The following TIMMDC1 variants were observed in gnomAD, a reference collection of about 807,000 sequenced individuals.
TIMMDC1 encodes the protein translocase of inner mitochondrial membrane domain containing 1, also known as complex I assembly factor TIMMDC1, mitochondrial.
TIMMDC1 carries 25 observed loss-of-function variants against 32.6 expected under a neutral mutation model. The observed-to-expected ratio is 0.77, with a 90% CI of 0.56 to 1.07. TIMMDC1 has a LOEUF of 1.07. Among genes scored for constraint, TIMMDC1 ranks in the 50% least tolerant of loss-of-function variants. TIMMDC1 has a pLI of 0.00. For synonymous variants in TIMMDC1, 130 were observed against 127.6 expected (o/e 1.02, Z -0.13); for missense variants, 329 against 349.2 (o/e 0.94, Z 0.46).
intron 4 of TIMMDC1, among the ~76,000 whole-genome samples, chr3:119,512,393 C>T (rs913507131): frequency 6.6e-6 from 1 of 152,194 alleles, no homozygotes; most frequent in Non-Finnish European, 1.5e-5. Context: ...ATTCTCCTGC[C>T]TCAGCCTCCT....
intron 2 of TIMMDC1, 40 bp downstream of exon 2, chr3:119,500,900 C>T (rs767089678): frequency 5.1e-6 from 8 of 1,583,908 alleles, no homozygotes; most frequent in Non-Finnish European, 6.9e-6. Context: ...GGCACACTGA[C>T]TTAGTAATTC....
chr3:119,521,707 A>G (rs1257477698), intron 6 of TIMMDC1, among the ~76,000 whole-genome samples: 1 of 150,350 alleles, frequency 6.7e-6, no homozygotes, highest in Non-Finnish European at 1.5e-5. Flanking sequence ...AAAAAAAAAA[A>G]GTGGGCGGGG....
At chr3:119,506,577 T>C (rs1448830507) in intron 4 of TIMMDC1, among the ~76,000 whole-genome samples, 1 of 152,142 alleles carries the variant, frequency 6.6e-6, no homozygotes, top group African/African-American at 2.4e-5. Context: ...TTTTTCTCTT[T>C]CCACTTCTTG....
intron 4 of TIMMDC1, among the ~76,000 whole-genome samples, chr3:119,506,440 G>A (rs564693022): frequency 6.6e-6 from 1 of 151,724 alleles, no homozygotes; most frequent in East Asian, 1.9e-4. Flanking sequence ...GATGGCATGA[G>A]CCCAGGAGGT....
At chr3:119,499,016 A>G (rs2081847200) in intron 1 of TIMMDC1, 89 bp downstream of exon 1, 4 of 1,051,624 alleles carry the variant, frequency 3.8e-6, no homozygotes, top group Admixed American at 4.6e-5. Flanking sequence ...TTAGGACACC[A>G]AGGATGGTGT....
intron 2 of TIMMDC1, among the ~76,000 whole-genome samples, chr3:119,502,137 A>G (rs144159595): frequency 0.011 from 1,724 of 152,304 alleles, 33 homozygotes; most frequent in African/African-American, 0.038. Context: ...TCTACTACTT[A>G]AATGCTATTA....
rs141339063 is a variant in TIMMDC1 at position 119,500,527 on chromosome 3, A to G, written c.195-168A>G. The stretch of plus-strand genomic sequence containing the variant: ...TAACACCATAGCTTCGTTTTGTCTG[A>G]GACTACGTTCCTTTTAATATAACTG... On this transcript the variant is annotated intron_variant, in intron 1 of 6. Coordinates refer to ENST00000494664, the MANE Select transcript of TIMMDC1 (RefSeq NM_016589.4). 8.1e-3 allele frequency: 4,755 copies of G among 584,680 alleles called. 38 individuals carry two copies. The highest frequency in any genetic ancestry group is 0.016 in the Middle Eastern group (35 of 2,166). 36.2% of individuals were successfully genotyped at this position (584,680 alleles called of 1,614,324 possible). A position where few individuals can be genotyped will look rare whatever the true frequency, so the allele number is the denominator to read the frequency against.
In TIMMDC1 at chr3:119,498,586, A is replaced by G. The variant is rs1330582458; in HGVS notation, c.-148A>G. The G allele has an allele frequency of 7.0e-6, 5 of 713,870 alleles. No individual in the cohort carries two copies. Among genetic ancestry groups the G allele is most frequent in the South Asian group, 5.3e-5 (3 of 56,986 alleles). 44.2% of individuals were successfully genotyped at this position (713,870 alleles called of 1,614,324 possible). ...GACTCCAAAGCGAGGCCGGGGACTGAAGGTGTGGGTGTCGAGCCCTCTGGC... is the reference window on the plus strand; with the variant it reads ...GACTCCAAAGCGAGGCCGGGGACTGGAGGTGTGGGTGTCGAGCCCTCTGGC... On this transcript the variant is annotated 5_prime_UTR_variant, in exon 1 of 7. Transcript: ENST00000494664.
At chr3:119,508,328 C>G (rs182281959) in intron 4 of TIMMDC1, among the ~76,000 whole-genome samples, 18 of 152,288 alleles carry the variant, frequency 1.2e-4, no homozygotes, top group Admixed American at 1.0e-3. Context: ...GGCTTCTGCT[C>G]GTGGGTTTCT....
chr3:119,522,804 T>G (rs367600380), intron 6 of TIMMDC1, among the ~76,000 whole-genome samples: 2,507 of 148,750 alleles, frequency 0.017, 39 homozygotes, highest in Non-Finnish European at 0.024. Flanking sequence ...GTATGGGTGT[T>G]TGTGTGTGTG....
chr3:119,516,023 T>G (rs886923550), intron 5 of TIMMDC1, among the ~76,000 whole-genome samples: 1 of 152,252 alleles, frequency 6.6e-6, no homozygotes, highest in Non-Finnish European at 1.5e-5. Flanking sequence ...CCATTGCTTT[T>G]GTTGTAGTGT....
chr3:119,513,154 G>T (rs953649415), intron 4 of TIMMDC1, among the ~76,000 whole-genome samples: 5 of 152,196 alleles, frequency 3.3e-5, no homozygotes, highest in African/African-American at 1.2e-4. Context: ...AGAAAGGAAA[G>T]AAGTCTTTCT....
rs1172917348 is a variant in TIMMDC1, at chr3:119,500,875, T to G, written c.360+15T>G. ...TTGATGCTGTGGTATGTACTGGTGA[T>G]CTAAAGAAATTTGGGGCACACTGAC... On this transcript the variant is annotated intron_variant, in intron 2 of 6. Transcript: ENST00000494664. 1 of 1,603,006 alleles carries G rather than the reference T, an allele frequency of 6.2e-7. No homozygotes were observed. The highest frequency in any genetic ancestry group is 1.3e-5 in the African/African-American group (1 of 74,560).
rs915515664 is a variant in TIMMDC1 at position 119,498,577 on chromosome 3, C to T, written c.-157C>T. 5 of 681,988 alleles carry T rather than the reference C, an allele frequency of 7.3e-6. No individual in the cohort carries two copies. The highest frequency in any genetic ancestry group is 3.6e-5 in the African/African-American group (2 of 55,682). 42.2% of individuals were successfully genotyped at this position (681,988 alleles called of 1,614,324 possible). On this transcript the variant is annotated 5_prime_UTR_variant, in exon 1 of 7. Transcript: ENST00000494664. Reference sequence around the variant, plus strand: ...ATTTCCAAGGACTCCAAAGCGAGGCCGGGGACTGAAGGTGTGGGTGTCGAG... The same window carrying T: ...ATTTCCAAGGACTCCAAAGCGAGGCTGGGGACTGAAGGTGTGGGTGTCGAG...
intron 6 of TIMMDC1, among the ~76,000 whole-genome samples, chr3:119,519,329 T>C (rs186568356): frequency 6.6e-6 from 1 of 152,154 alleles, no homozygotes; most frequent in East Asian, 1.9e-4. Flanking sequence ...TAAAAAAAAG[T>C]TTAAAGACTC....
rs752890865 is a variant in TIMMDC1 at position 119,498,765 on chromosome 3, T to G, written c.32T>G (p.Phe11Cys). The G allele has an allele frequency of 2.5e-6, 4 of 1,614,090 alleles. No individual in the cohort carries two copies. The African/African-American group carries it at 5.3e-5, about 22-fold the overall frequency. MEVPPPAPRS[F>C]LCRALCLFPR... Reference sequence around the variant, plus strand: ...GTGCCGCCACCGGCACCGCGGAGCTTTCTCTGTAGAGCATTGTGCCTATTT... The same window carrying G: ...GTGCCGCCACCGGCACCGCGGAGCTGTCTCTGTAGAGCATTGTGCCTATTT... Residue 11 changes from phenylalanine to cysteine, a missense_variant, in exon 1 of 7, where the codon TTT becomes TGT. Transcript: ENST00000494664.
intron 1 of TIMMDC1, 93 bp downstream of exon 1, chr3:119,499,020 A>ATCCT: frequency 3.2e-6 from 3 of 941,732 alleles, no homozygotes; most frequent in Middle Eastern, 2.5e-4. Context: ...GACACCAAGG[A>ATCCT]TGGTGTGCTT....
intron 2 of TIMMDC1, among the ~76,000 whole-genome samples, chr3:119,502,968 G>C (rs894196455): frequency 6.6e-6 from 1 of 152,058 alleles, no homozygotes; most frequent in African/African-American, 2.4e-5. Flanking sequence ...TTAGTATTAT[G>C]CTCTAAGGAA....
At chr3:119,517,901 G>A (rs7642792) in intron 6 of TIMMDC1, among the ~76,000 whole-genome samples, 16,103 of 152,054 alleles carry the variant, frequency 0.11, 2,091 homozygotes, top group African/African-American at 0.31. Flanking sequence ...CCTGGGTAGC[G>A]GAGGTTACAG....
Sources: allele counts gnomAD v4.1 joint callset (sites outside exome capture counted in the v4.1 genomes callset), GRCh38; gene constraint gnomAD v4.1.1; transcripts MANE v1.5; gene names NCBI Gene and HGNC (gene_info 2026-07-23, HGNC 2026-07-21).